The following ATP6V0A2 variants were observed in gnomAD, a reference collection of about 807,000 sequenced individuals.
The protein encoded by ATP6V0A2 is V-type proton ATPase 116 kDa subunit a 2.
Under a neutral mutation model 104.4 loss-of-function variants are expected in ATP6V0A2, and 58 were observed. The observed-to-expected ratio is 0.56, with a 90% confidence interval of 0.45 to 0.69. The LOEUF is 0.69. Among genes scored for constraint, ATP6V0A2 ranks in the 30% least tolerant of loss-of-function variants. The pLI, the probability that ATP6V0A2 is intolerant of heterozygous loss-of-function variation, is 0.00. For synonymous variants in ATP6V0A2, 376 were observed against 397.9 expected (o/e 0.95, Z 0.65); for missense variants, 938 against 1,062.9 (o/e 0.88, Z 1.63).
In ATP6V0A2 at chr12:123,756,906, G is replaced by A. The variant is rs1434735806; in HGVS notation, c.2385G>A (p.Ala795=). The A allele has an allele frequency of 3.1e-6, 5 of 1,614,108 alleles. No individual in the cohort carries two copies. The highest frequency in any genetic ancestry group is 4.2e-6 in the Non-Finnish European group (5 of 1,180,022). Residue 795 remains alanine (A), a synonymous_variant, in exon 19 of 20, where the codon GCG becomes GCA. Coordinates refer to ENST00000330342, the MANE Select transcript of ATP6V0A2 (RefSeq NM_012463.4). ...TCTTGCTACTGCTCCCGGTTATCGC[G>A]CTCTTTGCAGTTTTGACCATTTTCA... The part of the protein sequence containing the change: ...YGVLLLLPVI[A]LFAVLTIFIL...
At chr12:123,745,575 T>G (rs538788802) in intron 13 of ATP6V0A2, among the ~76,000 whole-genome samples, 25 of 152,072 alleles carry the variant, frequency 1.6e-4, no homozygotes, top group East Asian at 3.9e-4. Flanking sequence ...GTGTGGTGGC[T>G]GGCGCCTGTA....
At chr12:123,736,047 AT>A (rs1956550115) in intron 8 of ATP6V0A2, among the ~76,000 whole-genome samples, 1 of 150,864 alleles carries the variant, frequency 6.6e-6, no homozygotes, top group Non-Finnish European at 1.5e-5. Context: ...CAATTTTTGT[AT>A]TTTTAGTAGA....
rs114594614 is a variant in ATP6V0A2 at position 123,718,550 on chromosome 12, G to A, written c.118-73G>A. 2.9e-3 allele frequency: 3,336 copies of A among 1,138,842 alleles called. 57 individuals carry two copies. The African/African-American group carries it at 0.043, about 15-fold the overall frequency. The allele number at this position is 1,138,842 out of a possible 1,614,324, so 70.5% of individuals were successfully genotyped here. ...GAGTGTACATCCCCCAAACTTTGGT[G>A]ATGTTTTATTTTTTACATAAAAGTA... On this transcript the variant is annotated intron_variant, in intron 1 of 19. Coordinates refer to ENST00000330342, the MANE Select transcript of ATP6V0A2 (RefSeq NM_012463.4).
chr12:123,729,003 A>ATTACT (rs1566278611), intron 6 of ATP6V0A2, among the ~76,000 whole-genome samples: 4 of 133,734 alleles, frequency 3.0e-5, no homozygotes, highest in Admixed American at 7.9e-5. Flanking sequence ...CACTTGATTA[A>ATTACT]GGCACTTCTC....
chr12:123,722,912 C>T (rs1956413893), intron 3 of ATP6V0A2, among the ~76,000 whole-genome samples: 2 of 152,120 alleles, frequency 1.3e-5, no homozygotes, highest in Admixed American at 6.5e-5. Context: ...GTATGCAGTC[C>T]ATGGGTTGTC....
rs778174503 is a variant in ATP6V0A2 at position 123,743,851 on chromosome 12, C to T, written c.1105C>T (p.Arg369Trp). The T allele has an allele frequency of 3.1e-6, 5 of 1,614,146 alleles. No homozygotes were observed. Among genetic ancestry groups the T allele is most frequent in the African/African-American group, 1.3e-5 (1 of 75,040 alleles). Residue 369 changes from arginine (R) to tryptophan (W), a missense_variant, in exon 10 of 20, where the codon CGG becomes TGG. By Grantham distance (101) the Arg-to-Trp change is moderately radical. Coordinates refer to ENST00000330342, the MANE Select transcript of ATP6V0A2 (RefSeq NM_012463.4). ...CCCCACAAAAGAAACACCCCCCACTCGGATCCGCACCAACAAATTCACCGA... is the reference window on the plus strand; with the variant it reads ...CCCCACAAAAGAAACACCCCCCACTTGGATCCGCACCAACAAATTCACCGA... ...IIPTKETPPTRIRTNKFTEGF... is the reference protein window; with the variant it reads ...IIPTKETPPTWIRTNKFTEGF...
chr12:123,726,309 C>T (rs1956448555), intron 5 of ATP6V0A2, 24 bp downstream of exon 5: 2 of 1,558,916 alleles, frequency 1.3e-6, no homozygotes, highest in African/African-American at 1.4e-5. Flanking sequence ...CCTGGGGTGT[C>T]AGGCTTCATA....
chr12:123,757,132 T>C, intron 19 of ATP6V0A2, 146 bp downstream of exon 19: 2 of 995,952 alleles, frequency 2.0e-6, no homozygotes, highest in Non-Finnish European at 1.5e-6. Context: ...TCTGTGTTCA[T>C]ATCCTCTGAG....
At chr12:123,735,159 G>C (rs976750512) in intron 7 of ATP6V0A2, among the ~76,000 whole-genome samples, 2 of 146,838 alleles carry the variant, frequency 1.4e-5, no homozygotes, top group Admixed American at 6.7e-5. Context: ...GTGTGTGTGT[G>C]TGTGTGTCTG....
At chr12:123,754,780 A>C (rs1371078874) in intron 18 of ATP6V0A2, 19 of 525,976 alleles carry the variant, frequency 3.6e-5, no homozygotes, top group Non-Finnish European at 6.5e-5. Context: ...GAGCCTGCCC[A>C]ATTTAAAAAA....
chr12:123,743,658 A>AAAC (rs1956630579), intron 9 of ATP6V0A2, 127 bp from the exon 10 acceptor site: 1 of 1,156,368 alleles, frequency 8.6e-7, no homozygotes, highest in Non-Finnish European at 1.3e-6. Context: ...CGTCTCAAAA[A>AAAC]AAAACAAAAC....
chr12:123,756,767 C>G, intron 18 of ATP6V0A2, 48 bp from the exon 19 acceptor site: 1 of 1,605,582 alleles, frequency 6.2e-7, no homozygotes, highest in South Asian at 1.1e-5. Flanking sequence ...CAGAGGGACC[C>G]ACTGTACATA....
At chr12:123,736,594 G>A (rs1043238636) in intron 8 of ATP6V0A2, among the ~76,000 whole-genome samples, 2 of 152,208 alleles carry the variant, frequency 1.3e-5, no homozygotes, top group African/African-American at 2.4e-5. Context: ...CTTGATGACA[G>A]TGAGGGTTCT....
intron 6 of ATP6V0A2, chr12:123,733,479 T>C (rs7397745): frequency 0.58 from 106,896 of 183,554 alleles, 32,283 homozygotes; most frequent in East Asian, 0.94. Flanking sequence ...GCCACATCTC[T>C]GTCAGGGACA....
At chr12:123,736,943 T>G (rs1593902956) in intron 8 of ATP6V0A2, 116 bp from the exon 9 acceptor site, 247 of 997,650 alleles carry the variant, frequency 2.5e-4, no homozygotes, top group East Asian at 5.7e-4. Context: ...GATAGGCAGG[T>G]GCCTGGAATG....
chr12:123,743,905 G>A lies in ATP6V0A2; in HGVS notation c.1159G>A (p.Gly387Arg). Reference sequence around the variant, plus strand: ...ATTTCAGAACATCGTGGATGCTTATGGAGTCGGAAGCTACAGAGAAGTCAA... The same window carrying A: ...ATTTCAGAACATCGTGGATGCTTATAGAGTCGGAAGCTACAGAGAAGTCAA... ...EGFQNIVDAY[G>R]VGSYREVNPA... Residue 387 changes from glycine (G) to arginine (R), a missense_variant, in exon 10 of 20, where the codon GGA becomes AGA. Transcript: ENST00000330342. 1 of 1,614,204 alleles carries A rather than the reference G, an allele frequency of 6.2e-7. No individual in the cohort carries two copies. Among genetic ancestry groups the A allele is most frequent in the Non-Finnish European group, 8.5e-7 (1 of 1,180,034 alleles).
chr12:123,742,021 C>G (rs1029362872), intron 9 of ATP6V0A2, among the ~76,000 whole-genome samples: 1 of 152,158 alleles, frequency 6.6e-6, no homozygotes, highest in African/African-American at 2.4e-5. Flanking sequence ...CGTTCCTGTC[C>G]TGCTCAGTTT....
At chr12:123,740,875 A>C (rs1323282809) in intron 9 of ATP6V0A2, among the ~76,000 whole-genome samples, 2 of 149,434 alleles carry the variant, frequency 1.3e-5, no homozygotes, top group African/African-American at 4.9e-5. Context: ...TTTTTTTCCT[A>C]ATTCCTTCTT....
intron 6 of ATP6V0A2, among the ~76,000 whole-genome samples, chr12:123,730,280 C>T (rs1291657687): frequency 2.6e-5 from 4 of 152,080 alleles, no homozygotes; most frequent in East Asian, 3.9e-4. Flanking sequence ...TGGTCTCGAT[C>T]TCCTGACCTC....
Sources: allele counts gnomAD v4.1 joint callset (sites outside exome capture counted in the v4.1 genomes callset), GRCh38; gene constraint gnomAD v4.1.1; transcripts MANE v1.5; gene names NCBI Gene and HGNC (gene_info 2026-07-23, HGNC 2026-07-21).